The following PAPPA2 variants were observed in gnomAD, a reference collection of about 807,000 sequenced individuals.
PAPPA2 encodes pappalysin-2.
In PAPPA2, 86 loss-of-function variants were observed where a neutral mutation model predicts 176.4. The ratio of observed to expected loss-of-function variants is 0.49; its 90% CI spans 0.41 to 0.58. The LOEUF (loss-of-function observed/expected upper bound fraction) is 0.58, where lower values mean the gene tolerates loss of function less well. Among genes scored for constraint, PAPPA2 ranks in the 20% least tolerant of loss-of-function variants. The pLI, the probability that PAPPA2 is intolerant of heterozygous loss-of-function variation, is 0.00. For synonymous variants in PAPPA2, 809 were observed against 852.2 expected, an observed-to-expected ratio of 0.95 and a Z score of 0.88; for missense variants, 2,073 against 2,256.9, an observed-to-expected ratio of 0.92 and a Z score of 1.65.
chr1:176,714,691 C>G (rs183463275), intron 12 of PAPPA2, among the ~76,000 whole-genome samples: 6 of 152,282 alleles, frequency 3.9e-5, no homozygotes, highest in Admixed American at 3.9e-4. Flanking sequence ...GCAATAGGTG[C>G]ATTAATTATT....
rs906208007 is a variant in PAPPA2 at position 176,779,515 on chromosome 1, C to G, written c.4715+8335C>G. ...ACACACACACACACACACACACACA[C>G]ACACAGAGAGAGAGAGAGAGAGAGA... On this transcript the variant is annotated intron_variant, in intron 17 of 22. Transcript: ENST00000367662. Among the ~76,000 whole-genome samples, 234 of 116,254 alleles carry G rather than the reference C, an allele frequency of 2.0e-3. 1 individual carries two copies. Among genetic ancestry groups the G allele is most frequent in the African/African-American group, 5.1e-3 (191 of 37,806 alleles). The allele number at this position is 116,254 out of a possible 152,430, so 76.3% of individuals were successfully genotyped here. A position where few individuals can be genotyped will look rare whatever the true frequency, so the allele number is the denominator to read the frequency against.
intron 21 of PAPPA2, among the ~76,000 whole-genome samples, chr1:176,806,155 CTCTG>C (rs1665898245): frequency 6.6e-6 from 1 of 152,148 alleles, no homozygotes; most frequent in African/African-American, 2.4e-5. Context: ...TTTCCAATAA[CTCTG>C]TCTGAGCCTG....
In PAPPA2 at chr1:176,844,129, G is replaced by A. The variant is rs534036966; in HGVS notation, c.*1675G>A. ...GAAAGTGAGTAAGGAGCCAGTTTCT[G>A]TTTAACATTCTAGTTTTACTCATTT... On this transcript the variant is annotated 3_prime_UTR_variant, in exon 23 of 23. Coordinates refer to ENST00000367662, the MANE Select transcript of PAPPA2 (RefSeq NM_020318.3). 6.7e-6 allele frequency: 1 copy of A among 150,112 alleles called. No homozygotes were observed. The highest frequency in any genetic ancestry group is 2.5e-5 in the African/African-American group (1 of 40,492). The allele number at this position is 150,112 out of a possible 1,614,324, so 9.3% of individuals were successfully genotyped here. A position where few individuals can be genotyped will look rare whatever the true frequency, so the allele number is the denominator to read the frequency against.
At chr1:176,507,204 C>G (rs1648323383) in intron 1 of PAPPA2, among the ~76,000 whole-genome samples, 1 of 152,064 alleles carries the variant, frequency 6.6e-6, no homozygotes, top group Non-Finnish European at 1.5e-5. Flanking sequence ...TGTCACTAAT[C>G]ATTAGAGAAA....
At chr1:176,494,886 G>A (rs1647514123) in intron 1 of PAPPA2, among the ~76,000 whole-genome samples, 1 of 152,190 alleles carries the variant, frequency 6.6e-6, no homozygotes, top group Non-Finnish European at 1.5e-5. Context: ...AACAGATTAT[G>A]GGTCAGCTCC....
rs564844200 is a variant in PAPPA2 at position 176,553,673 on chromosome 1, A to AG, written c.-916-1729dup. 10 of 152,206 alleles carry AG rather than the reference A, an allele frequency of 6.6e-5. No homozygotes were observed. The East Asian group carries it at 1.7e-3, about 27-fold the overall frequency. 9.4% of individuals were successfully genotyped at this position (152,206 alleles called of 1,614,324 possible). A position where few individuals can be genotyped will look rare whatever the true frequency, so the allele number is the denominator to read the frequency against. ...GGATGCAAGATCCCTACACATTAAA[A>AG]GGGGGAGAAAAGCAGGCGGAATTCT... On this transcript the variant is annotated intron_variant, in intron 1 of 22. Coordinates refer to ENST00000367662, the MANE Select transcript of PAPPA2 (RefSeq NM_020318.3).
At chr1:176,467,392 G>A (rs1349443784) in intron 1 of PAPPA2, among the ~76,000 whole-genome samples, 1 of 152,158 alleles carries the variant, frequency 6.6e-6, no homozygotes, top group African/African-American at 2.4e-5. Flanking sequence ...CTCATTGTTA[G>A]AAGTGTTGGC....
intron 17 of PAPPA2, among the ~76,000 whole-genome samples, 173 bp from the exon 18 acceptor site, chr1:176,789,636 C>G (rs1208063077): frequency 6.6e-6 from 1 of 152,104 alleles, no homozygotes; most frequent in Admixed American, 6.5e-5. Context: ...ATGAACATTA[C>G]TATTTTTAGT....
At chr1:176,619,030 G>C (rs910755582) in intron 3 of PAPPA2, among the ~76,000 whole-genome samples, 1 of 152,158 alleles carries the variant, frequency 6.6e-6, no homozygotes, top group Non-Finnish European at 1.5e-5. Context: ...ACACCACTGA[G>C]AGTCGAAGGG....
At chr1:176,526,770 G>A (rs1254636122) in intron 1 of PAPPA2, among the ~76,000 whole-genome samples, 1 of 152,178 alleles carries the variant, frequency 6.6e-6, no homozygotes, top group African/African-American at 2.4e-5. Context: ...GAGCTACTAG[G>A]AGAGTGACAT....
chr1:176,539,198 C>T (rs1445164745), intron 1 of PAPPA2, among the ~76,000 whole-genome samples: 1 of 152,204 alleles, frequency 6.6e-6, no homozygotes, highest in Admixed American at 6.5e-5. Flanking sequence ...GCTTAAATGA[C>T]TCAGGAGTCG....
At chr1:176,802,930 A>G (rs1665745724) in intron 21 of PAPPA2, among the ~76,000 whole-genome samples, 1 of 152,172 alleles carries the variant, frequency 6.6e-6, no homozygotes. Context: ...CCATCTTCTT[A>G]TGTTAGGTCA....
At chr1:176,809,113 G>T (rs1666033111) in intron 21 of PAPPA2, among the ~76,000 whole-genome samples, 1 of 152,120 alleles carries the variant, frequency 6.6e-6, no homozygotes. Context: ...TCTCTGATAT[G>T]GTTACACATT....
chr1:176,821,409 A>G (rs933517665), intron 21 of PAPPA2, among the ~76,000 whole-genome samples: 22 of 152,246 alleles, frequency 1.4e-4, no homozygotes, highest in African/African-American at 5.1e-4. Flanking sequence ...AAGATGTGAA[A>G]GGAAATGGCA....
At chr1:176,697,896 C>T (rs1472920768) in intron 7 of PAPPA2, among the ~76,000 whole-genome samples, 2 of 152,166 alleles carry the variant, frequency 1.3e-5, no homozygotes, top group Non-Finnish European at 2.9e-5. Context: ...AAGAACTACA[C>T]TACCAATTTT....
chr1:176,472,175 A>G (rs370485185), intron 1 of PAPPA2, among the ~76,000 whole-genome samples: 3 of 152,208 alleles, frequency 2.0e-5, no homozygotes, highest in African/African-American at 7.2e-5. Flanking sequence ...AACAATTCAT[A>G]TAGGAAAGGC....
chr1:176,710,952 A>C (rs1365554446), intron 11 of PAPPA2, among the ~76,000 whole-genome samples: 1 of 152,138 alleles, frequency 6.6e-6, no homozygotes, highest in African/African-American at 2.4e-5. Context: ...ACATGGCTGC[A>C]GTTCTCCTAG....
At chr1:176,705,046 G>A (rs779370868) in intron 9 of PAPPA2, among the ~76,000 whole-genome samples, 9 of 151,816 alleles carry the variant, frequency 5.9e-5, no homozygotes, top group East Asian at 5.8e-4. Context: ...TAAAGTTGCC[G>A]ACCTCCAAGA....
intron 10 of PAPPA2, 82 bp downstream of exon 10, chr1:176,706,532 T>C: frequency 8.6e-7 from 1 of 1,164,508 alleles, no homozygotes; most frequent in South Asian, 1.3e-5. Context: ...TCCTGTAACA[T>C]CTAGCTTAGT....
Sources: allele counts gnomAD v4.1 joint callset (sites outside exome capture counted in the v4.1 genomes callset), GRCh38; gene constraint gnomAD v4.1.1; transcripts MANE v1.5; gene names NCBI Gene and HGNC (gene_info 2026-07-23, HGNC 2026-07-21).